Variants in MTHFD1L observed in about 807,000 individuals in gnomAD.
The protein encoded by MTHFD1L is monofunctional C1-tetrahydrofolate synthase, mitochondrial.
Under a neutral mutation model 119.5 loss-of-function variants are expected in MTHFD1L, and 81 were observed. That is an observed-to-expected ratio of 0.68 (90% CI 0.57 to 0.82). The LOEUF is 0.82. Among genes scored for constraint, MTHFD1L ranks in the 40% least tolerant of loss-of-function variants. The pLI is 0.00. For missense variants in MTHFD1L, 1,125 were observed against 1,253.4 expected (o/e 0.90, Z 1.55); for synonymous variants, 430 against 475.2 (o/e 0.90, Z 1.24).
chr6:150,961,215 T>C (rs1371732426), intron 18 of MTHFD1L, among the ~76,000 whole-genome samples: 1 of 150,198 alleles, frequency 6.7e-6, no homozygotes, highest in African/African-American at 2.4e-5. Context: ...TGCCTCCGCC[T>C]CCTGAGTAGC....
intron 16 of MTHFD1L, among the ~76,000 whole-genome samples, chr6:150,950,581 A>G (rs973669473): frequency 3.3e-5 from 5 of 152,338 alleles, no homozygotes; most frequent in East Asian, 1.9e-4. Flanking sequence ...CTTCACTGAA[A>G]CATAAGCATC....
chr6:151,032,216 A>G (rs936517164), intron 24 of MTHFD1L, among the ~76,000 whole-genome samples: 2 of 152,206 alleles, frequency 1.3e-5, no homozygotes, highest in Admixed American at 6.5e-5. Flanking sequence ...TTAATGGATA[A>G]AGAAAAGTAG....
intron 7 of MTHFD1L, among the ~76,000 whole-genome samples, chr6:150,899,566 T>C (rs1156847133): frequency 6.6e-6 from 1 of 152,238 alleles, no homozygotes; most frequent in Non-Finnish European, 1.5e-5. Context: ...TTTAATGATA[T>C]GTTTTAATAC....
intron 26 of MTHFD1L, among the ~76,000 whole-genome samples, chr6:151,040,213 A>G (rs934065871): frequency 1.3e-5 from 2 of 152,184 alleles, no homozygotes; most frequent in African/African-American, 2.4e-5. Flanking sequence ...AGTTCACCCA[A>G]CAAATTCATT....
At chr6:151,022,171 T>C in intron 24 of MTHFD1L, 1 of 395,444 alleles carries the variant, frequency 2.5e-6, no homozygotes, top group Non-Finnish European at 5.3e-6. Flanking sequence ...CCTCCTCTGC[T>C]GGTCTTTTTT....
At position 150,933,032 on chromosome 6, in the gene MTHFD1L, G is replaced by A. The variant is rs140040023; in HGVS notation, c.1257-3772G>A. 3.0e-3 allele frequency among the ~76,000 whole-genome samples: 459 copies of A among 152,204 alleles called. 3 individuals are homozygous for A. The highest frequency in any genetic ancestry group is 5.4e-3 in the Non-Finnish European group (368 of 67,998). ...TTTTGATACCAAATACAGGAAGGAG[G>A]TGAAATAAGCTTTTTTATTGTAGCT... On this transcript the variant is annotated intron_variant, in intron 11 of 27. Transcript: ENST00000367321.
chr6:151,012,524 T>A (rs2128486207), intron 21 of MTHFD1L, among the ~76,000 whole-genome samples: 1 of 152,230 alleles, frequency 6.6e-6, no homozygotes, highest in Non-Finnish European at 1.5e-5. Flanking sequence ...GCCCTTGAAT[T>A]TGCCCATTTT....
At chr6:150,869,488 C>T (rs1398787790) in intron 1 of MTHFD1L, among the ~76,000 whole-genome samples, 1 of 152,064 alleles carries the variant, frequency 6.6e-6, no homozygotes, top group African/African-American at 2.4e-5. Context: ...CTTCCATGTC[C>T]CTGCAGAGGA....
chr6:151,004,113 C>T (rs139275203), intron 20 of MTHFD1L, among the ~76,000 whole-genome samples: 6,642 of 151,410 alleles, frequency 0.044, 491 homozygotes, highest in African/African-American at 0.15. Context: ...GAGGCTGAGA[C>T]GGGCAGATCA....
intron 22 of MTHFD1L, among the ~76,000 whole-genome samples, chr6:151,014,190 G>A (rs1782683960): frequency 6.6e-6 from 1 of 152,216 alleles, no homozygotes; most frequent in Admixed American, 6.5e-5. Flanking sequence ...CTGGACGACA[G>A]AGTGAGACTC....
intron 26 of MTHFD1L, among the ~76,000 whole-genome samples, chr6:151,038,591 A>G (rs116656637): frequency 0.011 from 1,726 of 152,226 alleles, 34 homozygotes; most frequent in African/African-American, 0.038. Flanking sequence ...TTGGTTTTAA[A>G]TAAGGAGGAG....
chr6:150,939,980 C>A (rs1335895625), intron 13 of MTHFD1L, among the ~76,000 whole-genome samples: 1 of 151,964 alleles, frequency 6.6e-6, no homozygotes, highest in African/African-American at 2.4e-5. Flanking sequence ...CCACTGTGCC[C>A]AGCCCTTGCA....
intron 24 of MTHFD1L, among the ~76,000 whole-genome samples, chr6:151,029,376 G>A (rs915207912): frequency 5.3e-5 from 8 of 151,128 alleles, no homozygotes; most frequent in South Asian, 2.1e-4. Context: ...AGCCAAGATC[G>A]CGCCACTACA....
intron 26 of MTHFD1L, chr6:151,055,143 G>C (rs553109559): frequency 6.6e-6 from 1 of 152,084 alleles, no homozygotes; most frequent in Admixed American, 6.6e-5. Context: ...TTGGGTGCCT[G>C]TAATCCCAGC....
chr6:150,932,793 A>AG (rs1562404583), intron 11 of MTHFD1L, among the ~76,000 whole-genome samples: 5 of 141,336 alleles, frequency 3.5e-5, no homozygotes, highest in Non-Finnish European at 7.7e-5. Flanking sequence ...AGAGAAAGGA[A>AG]GAAAGGGAGG....
intron 18 of MTHFD1L, among the ~76,000 whole-genome samples, chr6:150,963,407 T>C (rs992062657): frequency 6.6e-6 from 1 of 152,204 alleles, no homozygotes; most frequent in Non-Finnish European, 1.5e-5. Context: ...TGTGAGGTAA[T>C]GCATATGTTA....
chr6:150,930,792 AT>A (rs1372648527), intron 11 of MTHFD1L, among the ~76,000 whole-genome samples: 2 of 152,078 alleles, frequency 1.3e-5, no homozygotes, highest in Non-Finnish European at 2.9e-5. Flanking sequence ...AAACAATGAG[AT>A]TTTTTTAAAT....
At chr6:150,998,400 C>T (rs1160639751) in intron 20 of MTHFD1L, among the ~76,000 whole-genome samples, 1 of 152,076 alleles carries the variant, frequency 6.6e-6, no homozygotes, top group Admixed American at 6.6e-5. Context: ...ATCATAGTTT[C>T]TCTTGCTAAG....
intron 20 of MTHFD1L, among the ~76,000 whole-genome samples, chr6:151,002,849 G>A (rs1331635513): frequency 2.0e-5 from 3 of 152,192 alleles, no homozygotes; most frequent in Non-Finnish European, 2.9e-5. Flanking sequence ...GCAAGCTGTC[G>A]GCGCCTCAGT....
Sources: allele counts gnomAD v4.1 joint callset (sites outside exome capture counted in the v4.1 genomes callset), GRCh38; gene constraint gnomAD v4.1.1; transcripts MANE v1.5; gene names NCBI Gene and HGNC (gene_info 2026-07-23, HGNC 2026-07-21).